CACNA1C: variants seen among roughly 807,000 people sequenced by gnomAD.
The protein encoded by CACNA1C is calcium voltage-gated channel subunit alpha1 C.
Under a neutral mutation model 229.0 loss-of-function variants are expected in CACNA1C, and 30 were observed. The ratio of observed to expected loss-of-function variants is 0.13; its 90% CI spans 0.10 to 0.18. CACNA1C has a LOEUF of 0.18. CACNA1C is among the 10% of genes least tolerant of loss of function. The pLI is 1.00. For missense variants in CACNA1C, 1,658 were observed against 2,845.0 expected, an observed-to-expected ratio of 0.58 and a Z score of 9.49; for synonymous variants, 1,114 against 1,132.5, an observed-to-expected ratio of 0.98 and a Z score of 0.33.
intron 1 of CACNA1C, among the ~76,000 whole-genome samples, chr12:2,031,639 AG>A (rs1237651191): frequency 6.6e-6 from 1 of 152,148 alleles, no homozygotes; most frequent in Non-Finnish European, 1.5e-5. Flanking sequence ...CTTAGAGTAA[AG>A]GTTCTGAATG....
At position 2,486,486 on chromosome 12, in the gene CACNA1C, G is replaced by A. The variant is rs549986468; in HGVS notation, c.916+224G>A. ...GTTAAACCGGCCTAACGCAAACTTCGTTCAGCACTTTTCAATAAGCTACAC... is the reference window on the plus strand; with the variant it reads ...GTTAAACCGGCCTAACGCAAACTTCATTCAGCACTTTTCAATAAGCTACAC... On this transcript the variant is annotated intron_variant, in intron 6 of 46. Transcript: ENST00000399655. The surrounding 1 kb of genome is among the most constrained non-coding windows in gnomAD (Gnocchi z 4.9). Among the ~76,000 whole-genome samples the A allele has an allele frequency of 7.2e-5, 11 of 152,252 alleles. No individual in the cohort carries two copies. The South Asian group carries it at 1.2e-3, about 17-fold the overall frequency.
At chr12:2,139,436 C>T (rs1487905813) in intron 3 of CACNA1C, among the ~76,000 whole-genome samples, 3 of 150,750 alleles carry the variant, frequency 2.0e-5, no homozygotes, top group African/African-American at 4.9e-5. Flanking sequence ...TCACCAGCAG[C>T]GAGCCCTGTG....
chr12:2,172,132 C>T, intron 3 of CACNA1C, among the ~76,000 whole-genome samples: 1 of 152,182 alleles, frequency 6.6e-6, no homozygotes, highest in Admixed American at 6.5e-5. Context: ...GCTAGTGCCA[C>T]CCTAACGACT....
In CACNA1C at chr12:2,354,310, A is replaced by G. The variant is rs188995589; in HGVS notation, c.478-94666A>G. Among the ~76,000 whole-genome samples, 8 of 152,322 alleles carry G rather than the reference A, an allele frequency of 5.3e-5. No individual in the cohort carries two copies. In the East Asian group the frequency reaches 1.2e-3, roughly 22 times the overall value. On this transcript the variant is annotated intron_variant, in intron 3 of 46. Coordinates refer to ENST00000399655, the MANE Select transcript of CACNA1C (RefSeq NM_000719.7). This position sits in a 1 kb window ranked among gnomAD's most constrained non-coding sequence, Gnocchi z 4.6. The stretch of plus-strand genomic sequence containing the variant: ...GCAGAGCAGGAAACACAGAGCAGAA[A>G]GCCACGCACACAGCTTGTGTTTCCT...
In CACNA1C at chr12:2,159,851, G is replaced by A. The variant is rs972304458; in HGVS notation, c.477+39421G>A. On this transcript the variant is annotated intron_variant, in intron 3 of 46. Coordinates refer to ENST00000399655, the MANE Select transcript of CACNA1C (RefSeq NM_000719.7). ...ACTCCTGACCTCAGGTGATCTGCCC[G>A]CCTCGGCCTCCCAAAGTGCTGGGAT... Among the ~76,000 whole-genome samples, 6 of 152,236 alleles carry A rather than the reference G, an allele frequency of 3.9e-5. 1 individual carries two copies. The highest frequency in any genetic ancestry group is 1.3e-4 in the Admixed American group (2 of 15,294).
rs1380791542 is a variant in CACNA1C at position 2,611,542 on chromosome 12, G to A, written c.3718-361G>A. On this transcript the variant is annotated intron_variant, in intron 28 of 46. Coordinates refer to ENST00000399655, the MANE Select transcript of CACNA1C (RefSeq NM_000719.7). ...GGGAGGAGATGGAGAAGGGAGGGATGAGCTGGACGCATTCGTTGTCGGTAA... is the reference window on the plus strand; with the variant it reads ...GGGAGGAGATGGAGAAGGGAGGGATAAGCTGGACGCATTCGTTGTCGGTAA... Among the ~76,000 whole-genome samples the A allele has an allele frequency of 4.6e-5, 7 of 152,098 alleles. No individual in the cohort carries two copies. The East Asian group carries it at 1.2e-3, about 25-fold the overall frequency.
chr12:2,037,225 C>A (rs936127196), intron 1 of CACNA1C, among the ~76,000 whole-genome samples: 1 of 152,176 alleles, frequency 6.6e-6, no homozygotes, highest in African/African-American at 2.4e-5. Flanking sequence ...GAGTAATCTG[C>A]TATTTACTTG....
In CACNA1C at chr12:2,053,543, A is replaced by C; in HGVS notation, c.-20A>C. 6.3e-7 allele frequency: 1 copy of C among 1,581,844 alleles called. No individual in the cohort carries two copies. Among genetic ancestry groups the C allele is most frequent in the Non-Finnish European group, 8.6e-7 (1 of 1,163,806 alleles). The stretch of plus-strand genomic sequence containing the variant: ...CTTCCTCTTCGTGGCTGCTCCTCCT[A>C]TTAAAACCATTTTTGGTCCATGGTC... On this transcript the variant is annotated 5_prime_UTR_variant, in exon 1 of 47. Coordinates refer to ENST00000399655, the MANE Select transcript of CACNA1C (RefSeq NM_000719.7). The surrounding 1 kb of genome is among the most constrained non-coding windows in gnomAD (Gnocchi z 5.8).
At position 2,053,353 on chromosome 12, in the gene CACNA1C, G is replaced by A. The variant is rs1053717326; in HGVS notation, c.-210G>A. The A allele has an allele frequency of 1.8e-5, 24 of 1,342,960 alleles. No individual in the cohort carries two copies. The highest frequency in any genetic ancestry group is 2.2e-5 in the Non-Finnish European group (23 of 1,045,782). The allele number at this position is 1,342,960 out of a possible 1,614,324, so 83.2% of individuals were successfully genotyped here. On this transcript the variant is annotated 5_prime_UTR_variant, in exon 1 of 47. In the 5' UTR this introduces an upstream ATG that the reference lacks. Transcript: ENST00000399655. The surrounding 1 kb of genome is among the most constrained non-coding windows in gnomAD (Gnocchi z 5.8). ...TACAGTTTCACTCGAGGAGGCAGTA[G>A]TGGAAAGGAGCAGTTTTTGGGGTTT...
chr12:2,170,248 T>A (rs923878509), intron 3 of CACNA1C, among the ~76,000 whole-genome samples: 2 of 152,180 alleles, frequency 1.3e-5, no homozygotes, highest in Non-Finnish European at 2.9e-5. Flanking sequence ...CATCTTATTC[T>A]TTTTCCATGG....
intron 3 of CACNA1C, among the ~76,000 whole-genome samples, chr12:2,255,102 C>A (rs1428759888): frequency 6.6e-6 from 1 of 152,138 alleles, no homozygotes; most frequent in Non-Finnish European, 1.5e-5. Flanking sequence ...TGGGTACCCT[C>A]CCTGGCTTCA....
At chr12:2,276,703 A>G (rs374420023) in intron 3 of CACNA1C, among the ~76,000 whole-genome samples, 11 of 152,232 alleles carry the variant, frequency 7.2e-5, no homozygotes, top group African/African-American at 2.4e-4. Context: ...GACTAGGTTG[A>G]TAAAAGAATA....
intron 3 of CACNA1C, among the ~76,000 whole-genome samples, chr12:2,251,960 T>C (rs1267429005): frequency 2.0e-5 from 3 of 152,336 alleles, no homozygotes; most frequent in South Asian, 2.1e-4. Flanking sequence ...ATTTAGTCTC[T>C]CATCTGCAGC....
rs187578629 is a variant in CACNA1C at position 2,315,726 on chromosome 12, A to G, written c.478-133250A>G. On this transcript the variant is annotated intron_variant, in intron 3 of 46. Transcript: ENST00000399655. ...GTACGCACATTAAGTTCTAGGCACT[A>G]TTTTAGGTGCGTGTGTACAATTTCC... is the stretch of plus-strand genomic sequence containing the variant. 6.9e-4 allele frequency among the ~76,000 whole-genome samples: 105 copies of G among 152,324 alleles called. 2 individuals are homozygous for G. In the Middle Eastern group the frequency reaches 0.01, roughly 15 times the overall value.
At chr12:2,682,089 GCCAGTGTCAGAATCAAGGGCA>G (rs1445131458) in intron 42 of CACNA1C, 2 of 1,220,954 alleles carry the variant, frequency 1.6e-6, no homozygotes, top group South Asian at 1.3e-5. Flanking sequence ...ACCCCAGGGT[GCCAGTGTCAGAATCAAGGGCA>G]CCATCAAAAT....
chr12:2,136,656 G>A (rs1463257087), intron 3 of CACNA1C, among the ~76,000 whole-genome samples: 1 of 151,154 alleles, frequency 6.6e-6, no homozygotes, highest in Non-Finnish European at 1.5e-5. Context: ...GTGTCTGTAG[G>A]GGTCCTGGGG....
chr12:2,330,285 T>C (rs1290984533), intron 3 of CACNA1C, among the ~76,000 whole-genome samples: 2 of 152,188 alleles, frequency 1.3e-5, no homozygotes, highest in African/African-American at 4.8e-5. Context: ...AATGTATCGG[T>C]GTGGGAGGCC....
At chr12:2,269,673 A>G (rs1325813254) in intron 3 of CACNA1C, 1 of 152,194 alleles carries the variant, frequency 6.6e-6, no homozygotes, top group African/African-American at 2.4e-5. Flanking sequence ...AGTTGGCATC[A>G]TAATAGGAAA....
chr12:2,213,843 C>G (rs983698038), intron 3 of CACNA1C, among the ~76,000 whole-genome samples: 1 of 152,254 alleles, frequency 6.6e-6, no homozygotes, highest in South Asian at 2.1e-4. Flanking sequence ...ACTGCCCCTC[C>G]TCCCGCAGTC....
Sources: gnomAD v4.1 joint callset for allele counts (sites outside exome capture counted in the v4.1 genomes callset) on GRCh38, gnomAD v4.1.1 for gene constraint, Gnocchi (gnomAD v3.1) non-coding constraint, MANE v1.5 for transcripts, NCBI Gene and HGNC (gene_info 2026-07-23, HGNC 2026-07-21) for gene names.